ATP9B: variants seen among roughly 807,000 people sequenced by gnomAD.
ATP9B encodes probable phospholipid-transporting ATPase IIB.
In ATP9B, 110 loss-of-function variants were observed where a neutral mutation model predicts 146.1. The observed-to-expected ratio is 0.75, with a 90% confidence interval of 0.65 to 0.88. ATP9B has a LOEUF of 0.88. Among genes scored for constraint, ATP9B ranks in the 40% least tolerant of loss-of-function variants. The pLI is 0.00. For synonymous variants in ATP9B, 604 were observed against 569.7 expected (o/e 1.06, Z -0.86); for missense variants, 1,499 against 1,496.4 (o/e 1.00, Z -0.03).
At chr18:79,281,045 C>T (rs1442557222) in intron 13 of ATP9B, among the ~76,000 whole-genome samples, 1 of 151,936 alleles carries the variant, frequency 6.6e-6, no homozygotes, top group Non-Finnish European at 1.5e-5. Context: ...AAATGGCCAA[C>T]TTAAGAATAG....
intron 11 of ATP9B, among the ~76,000 whole-genome samples, chr18:79,245,157 C>A (rs2095931281): frequency 6.6e-6 from 1 of 152,094 alleles, no homozygotes; most frequent in Non-Finnish European, 1.5e-5. Flanking sequence ...AGCTTTATAA[C>A]CCCCCTAAAG....
chr18:79,076,836 T>C (rs1308090325), intron 1 of ATP9B, among the ~76,000 whole-genome samples: 1 of 152,162 alleles, frequency 6.6e-6, no homozygotes, highest in Non-Finnish European at 1.5e-5. Flanking sequence ...TTTTTCTAAG[T>C]CCATTTCCTG....
intron 26 of ATP9B, among the ~76,000 whole-genome samples, chr18:79,367,256 G>A (rs372890253): frequency 1.0e-5 from 1 of 95,474 alleles, no homozygotes. Context: ...CACCTCCACC[G>A]TGTGTACGCA....
intron 25 of ATP9B, among the ~76,000 whole-genome samples, chr18:79,358,918 G>T (rs2096970060): frequency 6.6e-6 from 1 of 151,064 alleles, no homozygotes; most frequent in Non-Finnish European, 1.5e-5. Context: ...TGTGGGTCTG[G>T]AGGTGTCTGT....
chr18:79,213,780 A>AT (rs2095603969), intron 10 of ATP9B, among the ~76,000 whole-genome samples, 182 bp from the exon 11 acceptor site: 1 of 152,170 alleles, frequency 6.6e-6, no homozygotes, highest in Admixed American at 6.5e-5. Flanking sequence ...ACTTTTTCAA[A>AT]GTCCATTTTT....
intron 11 of ATP9B, among the ~76,000 whole-genome samples, chr18:79,224,960 G>A (rs569263654): frequency 4.1e-4 from 62 of 152,310 alleles, no homozygotes; most frequent in Non-Finnish European, 6.5e-4. Context: ...CAGGAACCAC[G>A]ACCACAGTAA....
intron 1 of ATP9B, among the ~76,000 whole-genome samples, chr18:79,077,354 G>A (rs575005291): frequency 6.6e-6 from 1 of 152,272 alleles, no homozygotes; most frequent in African/African-American, 2.4e-5. Flanking sequence ...GGGAAGGGAA[G>A]GTACCATGTG....
At chr18:79,339,927 A>G (rs184006857) in intron 19 of ATP9B, among the ~76,000 whole-genome samples, 14 of 152,336 alleles carry the variant, frequency 9.2e-5, no homozygotes, top group African/African-American at 3.4e-4. Flanking sequence ...TAGATTACTA[A>G]ACTTAATTGT....
At chr18:79,376,278 G>A (rs1359333919) in intron 29 of ATP9B, 2 of 984,626 alleles carry the variant, frequency 2.0e-6, no homozygotes, top group African/African-American at 1.8e-5. Context: ...TAGGTGAGCT[G>A]GTGTCTCTTC....
rs192878350 is a variant in ATP9B at position 79,263,811 on chromosome 18, G to A, written c.1268+10270G>A. On this transcript the variant is annotated intron_variant, in intron 12 of 29. Coordinates refer to ENST00000426216, the MANE Select transcript of ATP9B (RefSeq NM_198531.5). ...TAAGATATCTAAGAGCAGGCCGGGC[G>A]CGTTGGCTCACGCCTGTAATCCCAG... Among the ~76,000 whole-genome samples the A allele has an allele frequency of 8.9e-4, 136 of 152,346 alleles. 1 individual carries two copies. The East Asian group carries it at 0.02, about 23-fold the overall frequency.
intron 15 of ATP9B, among the ~76,000 whole-genome samples, chr18:79,319,552 T>G (rs1233816052): frequency 6.6e-6 from 1 of 152,198 alleles, no homozygotes; most frequent in Non-Finnish European, 1.5e-5. Flanking sequence ...TGGCTTGCGT[T>G]GTCCTCCTCA....
chr18:79,220,004 G>A (rs1018975854), intron 11 of ATP9B, among the ~76,000 whole-genome samples: 11 of 152,160 alleles, frequency 7.2e-5, no homozygotes, highest in African/African-American at 2.7e-4. Flanking sequence ...CCAGGATATG[G>A]CTGTTCTGAG....
At chr18:79,154,969 C>A (rs1490553281) in intron 7 of ATP9B, among the ~76,000 whole-genome samples, 1 of 152,138 alleles carries the variant, frequency 6.6e-6, no homozygotes, top group Non-Finnish European at 1.5e-5. Context: ...TAAAAATAAT[C>A]CTTTCAGGAC....
chr18:79,345,938 C>A, intron 23 of ATP9B, 99 bp downstream of exon 23: 2 of 1,299,762 alleles, frequency 1.5e-6, no homozygotes, highest in Non-Finnish European at 2.2e-6. Flanking sequence ...CCTACTTGGT[C>A]AGTGCACGTC....
chr18:79,071,578 A>G (rs930032360), intron 1 of ATP9B, among the ~76,000 whole-genome samples: 7 of 151,432 alleles, frequency 4.6e-5, no homozygotes, highest in African/African-American at 1.7e-4. Context: ...AAGAGACAGC[A>G]TCTTGCTATA....
rs550054424 is a variant in ATP9B at position 79,346,588 on chromosome 18, GTCAGCACACAT to G, written c.2682+752_2682+762del. Among the ~76,000 whole-genome samples the G allele has an allele frequency of 2.1e-3, 229 of 110,060 alleles. 8 individuals are homozygous for G. The highest frequency in any genetic ancestry group is 7.7e-3 in the African/African-American group (217 of 28,060). The allele number at this position is 110,060 out of a possible 152,430, so 72.2% of individuals were successfully genotyped here. On this transcript the variant is annotated intron_variant, in intron 23 of 29. Coordinates refer to ENST00000426216, the MANE Select transcript of ATP9B (RefSeq NM_198531.5). ...CACGTCAGCACGTGCTCAGCGCACA[GTCAGCACACAT>G]TCGGCACACATTTAGCACACTACAT... is the stretch of plus-strand genomic sequence containing the variant.
intron 26 of ATP9B, chr18:79,360,893 G>A (rs2096984229): frequency 6.6e-6 from 1 of 152,208 alleles, no homozygotes; most frequent in African/African-American, 2.4e-5. Flanking sequence ...TTGTGATAAA[G>A]TACAGCAGAG....
chr18:79,361,661 GC>G (rs2096989592), intron 26 of ATP9B: 2 of 451,388 alleles, frequency 4.4e-6, no homozygotes, highest in Admixed American at 1.3e-4. Context: ...AAAGTACTGA[GC>G]CACTAAAGTT....
At chr18:79,157,361 A>G (rs1016901969) in intron 7 of ATP9B, among the ~76,000 whole-genome samples, 8 of 122,396 alleles carry the variant, frequency 6.5e-5, no homozygotes, top group African/African-American at 2.5e-4. Context: ...GTGCTAATGC[A>G]CTCCAGGCTG....
Sources: allele counts gnomAD v4.1 joint callset (sites outside exome capture counted in the v4.1 genomes callset), GRCh38; gene constraint gnomAD v4.1.1; transcripts MANE v1.5; gene names NCBI Gene and HGNC (gene_info 2026-07-23, HGNC 2026-07-21).